COL21A1: variants seen among roughly 807,000 people sequenced by gnomAD.
COL21A1 encodes collagen alpha-1(XXI) chain.
Under a neutral mutation model 137.9 loss-of-function variants are expected in COL21A1, and 149 were observed. The observed-to-expected ratio is 1.08, with a 90% CI of 0.95 to 1.24. The LOEUF (loss-of-function observed/expected upper bound fraction) is 1.24. Ranked by LOEUF, COL21A1 falls within the 50% of genes most tolerant of loss-of-function variation. The probability of loss-of-function intolerance (pLI) is 0.00; values close to 1 mark genes in which losing one functional copy is unlikely to be tolerated. For synonymous variants in COL21A1, 456 were observed against 391.5 expected, an observed-to-expected ratio of 1.16 and a Z score of -1.95; for missense variants, 1,167 against 1,158.4, an observed-to-expected ratio of 1.01 and a Z score of -0.11.
At chr6:56,211,161 GTGTATATGTATATATA>G (rs1780137221) in intron 1 of COL21A1, among the ~76,000 whole-genome samples, 1 of 141,024 alleles carries the variant, frequency 7.1e-6, no homozygotes, top group Non-Finnish European at 1.5e-5. Flanking sequence ...TAAATTTTGT[GTGTATATGTATATATA>G]CATATATATG....
chr6:56,124,402 C>T (rs1323423941), intron 14 of COL21A1, 110 bp from the exon 15 acceptor site: 4 of 985,854 alleles, frequency 4.1e-6, no homozygotes, highest in Non-Finnish European at 6.2e-6. Context: ...GTAGTAAAAA[C>T]TCATGGAACT....
At chr6:56,329,276 T>A (rs1238056445) in intron 1 of COL21A1, among the ~76,000 whole-genome samples, 2 of 152,092 alleles carry the variant, frequency 1.3e-5, no homozygotes, top group African/African-American at 4.8e-5. Flanking sequence ...CACACACAGA[T>A]GCACACACAC....
At chr6:56,386,592 TTG>T in intron 1 of COL21A1, among the ~76,000 whole-genome samples, 1 of 91,888 alleles carries the variant, frequency 1.1e-5, no homozygotes, top group South Asian at 6.0e-4. Context: ...ATAAAACTTG[TTG>T]TTGTTGTTTT....
intron 1 of COL21A1, among the ~76,000 whole-genome samples, chr6:56,361,414 G>A (rs1765961732): frequency 6.6e-6 from 1 of 152,040 alleles, no homozygotes; most frequent in South Asian, 2.1e-4. Flanking sequence ...AAACATTATT[G>A]GAAAACAAGC....
intron 1 of COL21A1, among the ~76,000 whole-genome samples, chr6:56,374,575 A>G (rs2093995890): frequency 2.0e-5 from 3 of 152,052 alleles, no homozygotes; most frequent in Admixed American, 6.6e-5. Flanking sequence ...CTACAAAATT[A>G]GCTGGGCATG....
intron 1 of COL21A1, 130 bp from the exon 2 acceptor site, chr6:56,182,786 C>A: frequency 1.8e-6 from 1 of 558,558 alleles, no homozygotes. Context: ...TAACTTAAAT[C>A]TGTTTAAAAC....
chr6:56,059,687 T>G (rs1228818568), intron 28 of COL21A1, among the ~76,000 whole-genome samples: 1 of 152,104 alleles, frequency 6.6e-6, no homozygotes, highest in Non-Finnish European at 1.5e-5. Context: ...AAGGTAACAG[T>G]GCAGAAAGTT....
intron 1 of COL21A1, among the ~76,000 whole-genome samples, chr6:56,287,349 T>A (rs902411097): frequency 2.6e-5 from 4 of 152,176 alleles, no homozygotes; most frequent in African/African-American, 4.8e-5. Flanking sequence ...CAGGATGATA[T>A]GTTTGGCTCT....
At chr6:56,201,853 C>T (rs1427270426) in intron 1 of COL21A1, among the ~76,000 whole-genome samples, 3 of 152,126 alleles carry the variant, frequency 2.0e-5, no homozygotes, top group Non-Finnish European at 4.4e-5. Context: ...AGCCAACCCA[C>T]TATTTAACTG....
At chr6:56,096,420 G>A (rs1769330082) in intron 17 of COL21A1, among the ~76,000 whole-genome samples, 2 of 152,236 alleles carry the variant, frequency 1.3e-5, no homozygotes, top group East Asian at 3.9e-4. Flanking sequence ...TTTAAACATA[G>A]CAATTCATGG....
At chr6:56,333,133 A>G (rs1765266934) in intron 1 of COL21A1, among the ~76,000 whole-genome samples, 1 of 152,116 alleles carries the variant, frequency 6.6e-6, no homozygotes, top group African/African-American at 2.4e-5. Flanking sequence ...TATAACTGAC[A>G]TACAATAAAC....
intron 1 of COL21A1, among the ~76,000 whole-genome samples, chr6:56,354,740 C>A (rs1461255246): frequency 6.6e-6 from 1 of 152,082 alleles, no homozygotes; most frequent in Non-Finnish European, 1.5e-5. Flanking sequence ...TATGGTGGTG[C>A]ATGCCTGCAG....
intron 1 of COL21A1, chr6:56,231,154 TG>T (rs1255506834): frequency 6.6e-6 from 1 of 151,820 alleles, no homozygotes; most frequent in Non-Finnish European, 1.5e-5. Flanking sequence ...AAACAATCAA[TG>T]TGAATTAATA....
chr6:56,168,175 G>T lies in COL21A1; in HGVS notation c.1149C>A (p.Ile383=). 1 of 1,549,120 alleles carries T rather than the reference G, an allele frequency of 6.5e-7. No homozygotes were observed. The highest frequency in any genetic ancestry group is 2.3e-5 in the East Asian group (1 of 43,102). The part of the protein sequence containing the change: ...KPLHPVLGIL[I]NGQTQIGKYS... ...ATTTTCCAATTTGGGTTTGCCCATT[G>T]ATCAAGATCCCTAAAACTGGATGTA... Residue 383 remains isoleucine (I), a synonymous_variant, in exon 6 of 30, where the codon ATC becomes ATA. Transcript: ENST00000244728.
intron 1 of COL21A1, among the ~76,000 whole-genome samples, chr6:56,283,263 T>C (rs867119518): frequency 1.2e-4 from 18 of 151,998 alleles, no homozygotes; most frequent in African/African-American, 4.1e-4. Context: ...AACAAGGAAC[T>C]GTGGCCAAAA....
chr6:56,210,014 A>T (rs1436142239), intron 1 of COL21A1, among the ~76,000 whole-genome samples: 2 of 151,894 alleles, frequency 1.3e-5, no homozygotes, highest in Non-Finnish European at 2.9e-5. Flanking sequence ...TTCTCAGCAA[A>T]CCAAACACCA....
chr6:56,170,943 C>G lies in COL21A1; in HGVS notation c.809+17G>C, dbSNP rs1451741028. On this transcript the variant is annotated intron_variant, in intron 4 of 29. Coordinates refer to ENST00000244728, the MANE Select transcript of COL21A1 (RefSeq NM_030820.4). ...ACATATCCCCCCAAAAAAGTTGTGT[C>G]AACATATAATGCATACCTTGTGAGT... 5 of 1,593,282 alleles carry G rather than the reference C, an allele frequency of 3.1e-6. No individual in the cohort carries two copies. The South Asian group carries it at 5.7e-5, about 18-fold the overall frequency.
intron 12 of COL21A1, among the ~76,000 whole-genome samples, chr6:56,133,866 A>G (rs373894088): frequency 6.6e-6 from 1 of 152,206 alleles, no homozygotes; most frequent in Non-Finnish European, 1.5e-5. Context: ...GAAGTCAAGA[A>G]CTGAGGTTTG....
chr6:56,093,155 G>T (rs1582311958), intron 17 of COL21A1, among the ~76,000 whole-genome samples: 1 of 151,868 alleles, frequency 6.6e-6, no homozygotes. Context: ...TTCAAATAAG[G>T]TAATATTTAC....
Sources: allele counts gnomAD v4.1 joint callset (sites outside exome capture counted in the v4.1 genomes callset), GRCh38; gene constraint gnomAD v4.1.1; transcripts MANE v1.5; gene names NCBI Gene and HGNC (gene_info 2026-07-23, HGNC 2026-07-21).